The following CSMD1 variants were observed in gnomAD, a reference collection of about 807,000 sequenced individuals.
The protein encoded by CSMD1 is CUB and sushi domain-containing protein 1.
A neutral mutation model predicts 417.5 loss-of-function variants in CSMD1; 213 were observed. The observed-to-expected ratio is 0.51, with a 90% CI of 0.46 to 0.57. The LOEUF (loss-of-function observed/expected upper bound fraction) is 0.57, where lower values mean the gene tolerates loss of function less well. Among genes scored for constraint, CSMD1 ranks in the 20% least tolerant of loss-of-function variants. The probability of loss-of-function intolerance (pLI) is 0.00; values close to 1 mark genes in which losing one functional copy is unlikely to be tolerated. For synonymous variants in CSMD1, 2,862 were observed against 1,736.8 expected, an observed-to-expected ratio of 1.65 and a Z score of -16.11; for missense variants, 6,923 against 4,529.7, an observed-to-expected ratio of 1.53 and a Z score of -15.17.
intron 12 of CSMD1, among the ~76,000 whole-genome samples, chr8:3,466,254 C>A (rs1453833505): frequency 1.3e-5 from 2 of 151,646 alleles, no homozygotes; most frequent in Non-Finnish European, 2.9e-5. Context: ...AAATAACTTA[C>A]ACTAAGGTTC....
At chr8:4,796,589 G>A (rs897447957) in intron 1 of CSMD1, among the ~76,000 whole-genome samples, 2 of 151,708 alleles carry the variant, frequency 1.3e-5, no homozygotes, top group African/African-American at 4.8e-5. Flanking sequence ...GGAGGCTGCA[G>A]ACCTCGGCTC....
intron 10 of CSMD1, among the ~76,000 whole-genome samples, chr8:3,542,698 T>A (rs1032883684): frequency 2.0e-5 from 3 of 152,206 alleles, no homozygotes; most frequent in African/African-American, 7.2e-5. Flanking sequence ...GTCTCAAGAA[T>A]AACTGTCAAA....
At chr8:3,190,585 A>G (rs1796355915) in intron 33 of CSMD1, among the ~76,000 whole-genome samples, 1 of 152,152 alleles carries the variant, frequency 6.6e-6, no homozygotes, top group Non-Finnish European at 1.5e-5. Flanking sequence ...GGCCATCGTG[A>G]TGTAATAAAA....
intron 7 of CSMD1, among the ~76,000 whole-genome samples, chr8:3,641,294 C>CT (rs1797294134): frequency 6.6e-6 from 1 of 152,110 alleles, no homozygotes; most frequent in Admixed American, 6.6e-5. Flanking sequence ...TCCCAGCCTC[C>CT]TGTGCAGGTG....
chr8:3,387,940 T>C (rs1184199424), intron 17 of CSMD1, among the ~76,000 whole-genome samples: 2 of 152,202 alleles, frequency 1.3e-5, no homozygotes, highest in Non-Finnish European at 2.9e-5. Flanking sequence ...ATTAATTAAC[T>C]TCTCTGAATT....
intron 10 of CSMD1, among the ~76,000 whole-genome samples, chr8:3,552,528 T>C (rs916520905): frequency 6.6e-6 from 1 of 152,200 alleles, no homozygotes; most frequent in Admixed American, 6.5e-5. Context: ...TCAAAAGTTT[T>C]TTTGAATTGG....
At chr8:4,183,544 A>G (rs1798496139) in intron 3 of CSMD1, among the ~76,000 whole-genome samples, 2 of 152,206 alleles carry the variant, frequency 1.3e-5, no homozygotes, top group South Asian at 4.1e-4. Context: ...GTAATATGAT[A>G]AGTCAGAGAC....
At chr8:4,870,189 A>T (rs1033848312) in intron 1 of CSMD1, among the ~76,000 whole-genome samples, 1 of 152,172 alleles carries the variant, frequency 6.6e-6, no homozygotes, top group African/African-American at 2.4e-5. Flanking sequence ...TAAATAATGA[A>T]AAAATAACTG....
At chr8:4,659,426 T>C (rs984990420) in intron 1 of CSMD1, among the ~76,000 whole-genome samples, 61 of 152,108 alleles carry the variant, frequency 4.0e-4, no homozygotes, top group Non-Finnish European at 3.5e-4. Flanking sequence ...AAACATAATG[T>C]GACATAGACT....
intron 3 of CSMD1, among the ~76,000 whole-genome samples, chr8:4,156,274 G>C (rs1796829648): frequency 6.6e-6 from 1 of 152,162 alleles, no homozygotes; most frequent in African/African-American, 2.4e-5. Flanking sequence ...TGGCTAAAGA[G>C]TTGATGGGGT....
Position 3,587,813 on chromosome 8 carries a change from A to C in CSMD1, c.1098-1553T>G, listed in dbSNP as rs79713251. On this transcript the variant is annotated intron_variant, in intron 8 of 69. Transcript: ENST00000635120. ...GAATTCAAAAGATGTAGACTTTTCC[A>C]GATTTATCTGTCTAGGAAGTTCTTT... Among the ~76,000 whole-genome samples the C allele has an allele frequency of 3.2e-3, 490 of 152,304 alleles. 4 individuals carry two copies. The highest frequency in any genetic ancestry group is 0.011 in the African/African-American group (478 of 41,586).
At chr8:3,696,664 C>A (rs990216716) in intron 7 of CSMD1, among the ~76,000 whole-genome samples, 1 of 152,140 alleles carries the variant, frequency 6.6e-6, no homozygotes, top group East Asian at 1.9e-4. Context: ...TAAAGCTCAT[C>A]CATTTTGCAG....
Position 3,629,089 on chromosome 8 carries a change from G to A in CSMD1, c.1010-12292C>T, listed in dbSNP as rs930083068. On this transcript the variant is annotated intron_variant, in intron 7 of 69. Transcript: ENST00000635120. ...ATCGACACAAGAGGAGTGAGAAGTC[G>A]GGGGAAGAAGGGGTGTGCAGAGGAG... 5.9e-5 allele frequency among the ~76,000 whole-genome samples: 9 copies of A among 152,214 alleles called. No individual in the cohort carries two copies. In the South Asian group the frequency reaches 6.2e-4, roughly 11 times the overall value.
chr8:3,184,888 G>A (rs1210845845), intron 36 of CSMD1, among the ~76,000 whole-genome samples: 1 of 152,182 alleles, frequency 6.6e-6, no homozygotes, highest in Admixed American at 6.5e-5. Flanking sequence ...ACCTTTGATA[G>A]AATGCTCTTT....
intron 56 of CSMD1, 125 bp downstream of exon 56, chr8:2,974,326 T>A: frequency 1.1e-6 from 1 of 904,110 alleles, no homozygotes; most frequent in Non-Finnish European, 1.6e-6. Context: ...AATGCAATAC[T>A]AATTTCAAAT....
chr8:4,315,071 G>C (rs756272598), intron 3 of CSMD1, among the ~76,000 whole-genome samples: 8 of 152,130 alleles, frequency 5.3e-5, no homozygotes, highest in East Asian at 1.9e-4. Context: ...CCGACCATTT[G>C]AATGGGCATC....
intron 1 of CSMD1, among the ~76,000 whole-genome samples, chr8:4,872,583 A>C (rs1250942939): frequency 6.6e-6 from 1 of 152,052 alleles, no homozygotes; most frequent in Non-Finnish European, 1.5e-5. Flanking sequence ...CAATTAAAAC[A>C]CTTTCCTTTA....
chr8:3,006,084 C>A (rs1173233020), intron 52 of CSMD1, among the ~76,000 whole-genome samples: 1 of 151,202 alleles, frequency 6.6e-6, no homozygotes, highest in Non-Finnish European at 1.5e-5. Flanking sequence ...TCTCAGGATA[C>A]AAAATCAATG....
intron 8 of CSMD1, among the ~76,000 whole-genome samples, chr8:3,615,719 G>T (rs537335135): frequency 6.6e-6 from 1 of 152,078 alleles, no homozygotes; most frequent in South Asian, 2.1e-4. Context: ...TCTTCCATTT[G>T]TAGCCCACTT....
Sources: allele counts gnomAD v4.1 joint callset (sites outside exome capture counted in the v4.1 genomes callset), GRCh38; gene constraint gnomAD v4.1.1; transcripts MANE v1.5; gene names NCBI Gene and HGNC (gene_info 2026-07-23, HGNC 2026-07-21).